The following PITPNM2 variants were observed in gnomAD, a reference collection of about 807,000 sequenced individuals.
PITPNM2 encodes membrane-associated phosphatidylinositol transfer protein 2.
Under a neutral mutation model 132.2 loss-of-function variants are expected in PITPNM2, and 35 were observed. The observed-to-expected ratio is 0.26, with a 90% CI of 0.20 to 0.35. PITPNM2 has a LOEUF of 0.35. Among genes scored for constraint, PITPNM2 ranks in the 10% least tolerant of loss-of-function variants. PITPNM2 has a pLI of 1.00. For missense variants in PITPNM2, 1,332 were observed against 1,912.0 expected (o/e 0.70, Z 5.66); for synonymous variants, 738 against 799.2 (o/e 0.92, Z 1.29).
chr12:123,020,390 G>T (rs775614413), intron 3 of PITPNM2, among the ~76,000 whole-genome samples: 1 of 152,144 alleles, frequency 6.6e-6, no homozygotes, highest in Non-Finnish European at 1.5e-5. Context: ...CAAAGTGCTG[G>T]GATTACAGGA....
intron 6 of PITPNM2, among the ~76,000 whole-genome samples, chr12:123,006,735 TA>T (rs2136207814): frequency 6.7e-6 from 1 of 149,208 alleles, no homozygotes; most frequent in South Asian, 2.1e-4. Flanking sequence ...ATAATAATAA[TA>T]ATAATAATAA....
intron 4 of PITPNM2, 24 bp downstream of exon 4, chr12:123,013,804 A>T (rs368509003): frequency 4.4e-6 from 7 of 1,609,038 alleles, no homozygotes; most frequent in Non-Finnish European, 5.9e-6. Context: ...GGTGGGAGGC[A>T]CATGGAGGCC....
intron 2 of PITPNM2, among the ~76,000 whole-genome samples, chr12:123,059,990 G>A (rs536012138): frequency 2.0e-5 from 3 of 152,236 alleles, no homozygotes; most frequent in African/African-American, 7.2e-5. Flanking sequence ...AAAGAAACGA[G>A]GAAAGAAAGG....
chr12:123,079,887 A>G (rs2041907513), intron 2 of PITPNM2, among the ~76,000 whole-genome samples: 1 of 152,174 alleles, frequency 6.6e-6, no homozygotes, highest in Non-Finnish European at 1.5e-5. Context: ...CCAGAGTTTC[A>G]GCATCCCAAA....
At chr12:123,001,256 C>G in intron 8 of PITPNM2, 98 bp from the exon 9 acceptor site, 3 of 879,252 alleles carry the variant, frequency 3.4e-6, no homozygotes, top group South Asian at 1.4e-5. Context: ...CTGCTCTGAC[C>G]GTTCCTCAAC....
intron 3 of PITPNM2, chr12:123,021,758 G>T (rs950986106): frequency 2.1e-6 from 2 of 948,466 alleles, no homozygotes; most frequent in African/African-American, 3.5e-5. Flanking sequence ...TAGTTTCTGT[G>T]GTTCAAATGT....
At chr12:123,051,331 C>G (rs1038793588) in intron 2 of PITPNM2, among the ~76,000 whole-genome samples, 2 of 152,222 alleles carry the variant, frequency 1.3e-5, no homozygotes, top group Admixed American at 1.3e-4. Flanking sequence ...ATCCCACTTA[C>G]GTAGACTTTG....
At chr12:123,051,651 G>A (rs770458619) in intron 2 of PITPNM2, among the ~76,000 whole-genome samples, 18 of 152,194 alleles carry the variant, frequency 1.2e-4, no homozygotes, top group Non-Finnish European at 2.1e-4. Flanking sequence ...AATTGTTCGT[G>A]CTGGCTCTGG....
In PITPNM2 at chr12:123,078,408, C is replaced by T. The variant is rs2041857259; in HGVS notation, c.-96+31977G>A. On this transcript the variant is annotated intron_variant, in intron 2 of 25. Transcript: ENST00000320201. The surrounding 1 kb of genome is among the most constrained non-coding windows in gnomAD (Gnocchi z 7.3). ...AGGGAGGAGATGGGGGCTTTCTCGC[C>T]TGGCTCGTGGTGCTCCGCTGCCCCA... Among the ~76,000 whole-genome samples the T allele has an allele frequency of 6.6e-6, 1 of 152,356 alleles. No homozygotes were observed. The highest frequency in any genetic ancestry group is 1.9e-4 in the East Asian group (1 of 5,188).
chr12:123,014,832 C>A (rs1388779087), intron 3 of PITPNM2, among the ~76,000 whole-genome samples: 1 of 152,186 alleles, frequency 6.6e-6, no homozygotes, highest in Non-Finnish European at 1.5e-5. Flanking sequence ...ACAATCTCCA[C>A]CAAAGCCTGT....
chr12:123,103,319 G>C (rs2042612069), intron 2 of PITPNM2, among the ~76,000 whole-genome samples: 1 of 152,228 alleles, frequency 6.6e-6, no homozygotes. Context: ...CTCCTTGACA[G>C]CAAGACTCTC....
rs1421749209 is a variant in PITPNM2, at chr12:123,111,796, T to C, written c.-199-1308A>G. On this transcript the variant is annotated intron_variant, in intron 1 of 25. Transcript: ENST00000320201. The surrounding 1 kb of genome is among the most constrained non-coding windows in gnomAD (Gnocchi z 4.1). ...AACAGCCCAGGCACCCACAGCAGAG[T>C]GGATGCAGGTCCCAGCCCTCCCAGT... 2.0e-5 allele frequency among the ~76,000 whole-genome samples: 3 copies of C among 151,978 alleles called. No individual in the cohort carries two copies.
chr12:123,026,712 C>T (rs1056670486), intron 3 of PITPNM2, among the ~76,000 whole-genome samples: 2 of 152,226 alleles, frequency 1.3e-5, no homozygotes, highest in Non-Finnish European at 1.5e-5. Context: ...GCAGACTTCA[C>T]GCCTTTTCCA....
intron 3 of PITPNM2, among the ~76,000 whole-genome samples, chr12:123,019,956 G>A (rs892689716): frequency 6.6e-6 from 1 of 152,202 alleles, no homozygotes; most frequent in African/African-American, 2.4e-5. Context: ...TGGGTAGGGA[G>A]GCAGGTGACA....
At chr12:123,033,019 C>T (rs1336825734) in intron 3 of PITPNM2, among the ~76,000 whole-genome samples, 1 of 152,244 alleles carries the variant, frequency 6.6e-6, no homozygotes, top group East Asian at 1.9e-4. Context: ...CTCACAGCTA[C>T]CTCCCCTGAC....
At chr12:123,020,658 G>A (rs900295736) in intron 3 of PITPNM2, among the ~76,000 whole-genome samples, 2 of 152,138 alleles carry the variant, frequency 1.3e-5, no homozygotes, top group Non-Finnish European at 2.9e-5. Context: ...CAGGTACTTA[G>A]CGGCTTTATG....
Position 123,008,222 on chromosome 12 carries a change from C to G in PITPNM2, c.643+1628G>C, listed in dbSNP as rs971423290. ...CTTTCAGGGAGCTGGGGAGTCTCTG[C>G]AGCTTGGCCAGGATCTCAGCTGCTG... On this transcript the variant is annotated intron_variant, in intron 6 of 25. Coordinates refer to ENST00000320201, the MANE Select transcript of PITPNM2 (RefSeq NM_020845.3). The surrounding 1 kb of genome is among the most constrained non-coding windows in gnomAD (Gnocchi z 4.1). Among the ~76,000 whole-genome samples, 24 of 152,196 alleles carry G rather than the reference C, an allele frequency of 1.6e-4. No individual in the cohort carries two copies. Among genetic ancestry groups the G allele is most frequent in the Non-Finnish European group, 2.6e-4 (18 of 68,028 alleles).
chr12:123,123,519 G>A (rs1593027701), intron 1 of PITPNM2, among the ~76,000 whole-genome samples: 1 of 152,034 alleles, frequency 6.6e-6, no homozygotes, highest in East Asian at 1.9e-4. Context: ...GCTGAGGCAG[G>A]AGGACTGCTT....
chr12:123,102,793 A>G (rs935320392), intron 2 of PITPNM2, among the ~76,000 whole-genome samples: 2 of 152,250 alleles, frequency 1.3e-5, no homozygotes, highest in Non-Finnish European at 2.9e-5. Context: ...GACACCCCAC[A>G]GTGATCAACC....
Sources: gnomAD v4.1 joint callset for allele counts (sites outside exome capture counted in the v4.1 genomes callset) on GRCh38, gnomAD v4.1.1 for gene constraint, Gnocchi (gnomAD v3.1) non-coding constraint, MANE v1.5 for transcripts, NCBI Gene and HGNC (gene_info 2026-07-23, HGNC 2026-07-21) for gene names.